NCAM2: variants seen among roughly 807,000 people sequenced by gnomAD.
The protein encoded by NCAM2 is neural cell adhesion molecule 2.
NCAM2 carries 30 observed loss-of-function variants against 98.1 expected under a neutral mutation model. The ratio of observed to expected loss-of-function variants is 0.31; its 90% CI spans 0.23 to 0.41. NCAM2 has a LOEUF of 0.41. Among genes scored for constraint, NCAM2 ranks in the 10% least tolerant of loss-of-function variants. The pLI is 1.00. For synonymous variants in NCAM2, 368 were observed against 342.4 expected (o/e 1.07, Z -0.83); for missense variants, 867 against 1,005.8 (o/e 0.86, Z 1.87).
At chr21:21,110,842 A>G (rs1025215504) in intron 1 of NCAM2, among the ~76,000 whole-genome samples, 3 of 151,970 alleles carry the variant, frequency 2.0e-5, no homozygotes, top group African/African-American at 4.8e-5. Flanking sequence ...TTGGCTTTTA[A>G]TTCAATTAAA....
chr21:21,142,581 A>G (rs892488106), intron 1 of NCAM2, among the ~76,000 whole-genome samples: 1 of 151,858 alleles, frequency 6.6e-6, no homozygotes, highest in Non-Finnish European at 1.5e-5. Flanking sequence ...GGGTTTCACC[A>G]TGTTAGCCAG....
At chr21:21,170,410 A>C (rs1235193526) in intron 1 of NCAM2, among the ~76,000 whole-genome samples, 1 of 152,242 alleles carries the variant, frequency 6.6e-6, no homozygotes, top group Non-Finnish European at 1.5e-5. Context: ...TGAGCAGTCA[A>C]ATAATGAAAA....
intron 1 of NCAM2, among the ~76,000 whole-genome samples, chr21:21,139,592 C>CT: frequency 6.6e-6 from 1 of 152,232 alleles, no homozygotes; most frequent in East Asian, 1.9e-4. Context: ...ATCTCGCTTT[C>CT]TGTCTGTTCA....
At chr21:21,081,646 CA>C (rs5842879) in intron 1 of NCAM2, among the ~76,000 whole-genome samples, 104,501 of 151,310 alleles carry the variant, frequency 0.69, 37,817 homozygotes, top group Non-Finnish European at 0.79. Context: ...ACCAAAACTA[CA>C]AAACGTAGCC....
intron 8 of NCAM2, among the ~76,000 whole-genome samples, chr21:21,356,338 G>A (rs1273555461): frequency 2.0e-5 from 3 of 151,630 alleles, no homozygotes; most frequent in African/African-American, 7.3e-5. Flanking sequence ...TATGGTTCGC[G>A]GTTCCTACTG....
intron 1 of NCAM2, among the ~76,000 whole-genome samples, chr21:21,167,543 G>C (rs537604422): frequency 1.8e-4 from 28 of 152,142 alleles, no homozygotes; most frequent in Admixed American, 1.1e-3. Flanking sequence ...AATAAGATTA[G>C]ATAAGAGTAC....
chr21:21,450,988 C>T (rs1254539410), intron 12 of NCAM2, among the ~76,000 whole-genome samples: 2 of 151,734 alleles, frequency 1.3e-5, no homozygotes, highest in East Asian at 1.9e-4. Context: ...CAATATATTC[C>T]AAGCGTTTAT....
At chr21:21,246,853 T>C (rs2071289325) in intron 1 of NCAM2, among the ~76,000 whole-genome samples, 1 of 152,204 alleles carries the variant, frequency 6.6e-6, no homozygotes, top group Non-Finnish European at 1.5e-5. Context: ...ATGTACTGTA[T>C]GGATGGGAAG....
rs1400897438 is a variant in NCAM2, at chr21:21,543,166, A to T, written c.*5209A>T. On this transcript the variant is annotated 3_prime_UTR_variant, in exon 18 of 18. Transcript: ENST00000400546. Reference sequence around the variant, plus strand: ...CGTTTTCTTATTGTTTCAATATGGTATGTCCCAATGAAATGCTGTATATAT... The same window carrying T: ...CGTTTTCTTATTGTTTCAATATGGTTTGTCCCAATGAAATGCTGTATATAT... The T allele has an allele frequency of 6.6e-6, 1 of 151,842 alleles. No homozygotes were observed. Among genetic ancestry groups the T allele is most frequent in the Non-Finnish European group, 1.5e-5 (1 of 67,852 alleles). 9.4% of individuals were successfully genotyped at this position (151,842 alleles called of 1,614,324 possible).
intron 8 of NCAM2, among the ~76,000 whole-genome samples, chr21:21,351,626 T>C (rs1401321529): frequency 6.6e-6 from 1 of 152,234 alleles, no homozygotes; most frequent in Non-Finnish European, 1.5e-5. Context: ...ATCTGAGATA[T>C]ATGTGAGATT....
At chr21:21,166,479 T>C (rs1601546305) in intron 1 of NCAM2, among the ~76,000 whole-genome samples, 1 of 150,702 alleles carries the variant, frequency 6.6e-6, no homozygotes, top group East Asian at 1.9e-4. Flanking sequence ...GTGCTGGGAT[T>C]ACAGGCGTGA....
At chr21:21,534,694 T>A in intron 17 of NCAM2, 38 bp downstream of exon 17, 1 of 1,482,654 alleles carries the variant, frequency 6.7e-7, no homozygotes, top group Non-Finnish European at 9.0e-7. Flanking sequence ...TTCAAATGGG[T>A]ATTGGCAAAA....
intron 1 of NCAM2, among the ~76,000 whole-genome samples, chr21:21,160,431 A>G (rs901338615): frequency 1.6e-4 from 24 of 152,020 alleles, no homozygotes; most frequent in Admixed American, 1.4e-3. Flanking sequence ...TTGTATTACA[A>G]CTAAATATGA....
intron 8 of NCAM2, among the ~76,000 whole-genome samples, chr21:21,357,484 A>T (rs1406004357): frequency 6.6e-6 from 1 of 152,190 alleles, no homozygotes; most frequent in Admixed American, 6.5e-5. Context: ...ATCCATAATT[A>T]TTGATTTAAA....
intron 1 of NCAM2, among the ~76,000 whole-genome samples, chr21:21,251,986 C>G (rs1285930533): frequency 1.3e-5 from 2 of 152,006 alleles, no homozygotes; most frequent in Non-Finnish European, 2.9e-5. Flanking sequence ...TGCCTATGTC[C>G]TGAATAATAT....
chr21:21,274,431 A>T (rs2072644727), intron 1 of NCAM2, among the ~76,000 whole-genome samples: 1 of 152,204 alleles, frequency 6.6e-6, no homozygotes, highest in Non-Finnish European at 1.5e-5. Context: ...CTCCTAAGTG[A>T]TCCAAAATTT....
chr21:21,368,533 C>T (rs2075839927), intron 8 of NCAM2, among the ~76,000 whole-genome samples: 1 of 151,818 alleles, frequency 6.6e-6, no homozygotes, highest in Non-Finnish European at 1.5e-5. Flanking sequence ...GTTCTAGAGA[C>T]TGGGAAGTCC....
At chr21:21,423,714 A>G (rs974989225) in intron 11 of NCAM2, among the ~76,000 whole-genome samples, 1 of 152,080 alleles carries the variant, frequency 6.6e-6, no homozygotes, top group East Asian at 1.9e-4. Context: ...TACCCCTATT[A>G]AATCTCATCT....
At chr21:21,142,342 T>C (rs1280326411) in intron 1 of NCAM2, among the ~76,000 whole-genome samples, 1 of 151,634 alleles carries the variant, frequency 6.6e-6, no homozygotes, top group Non-Finnish European at 1.5e-5. Context: ...TATGTTTAAC[T>C]TCACTTTTTA....
Sources: allele counts gnomAD v4.1 joint callset (sites outside exome capture counted in the v4.1 genomes callset), GRCh38; gene constraint gnomAD v4.1.1; transcripts MANE v1.5; gene names NCBI Gene and HGNC (gene_info 2026-07-23, HGNC 2026-07-21).